Variants in BLNK observed in about 807,000 individuals in gnomAD.
BLNK encodes the protein B cell linker.
A neutral mutation model predicts 73.5 loss-of-function variants in BLNK; 29 were observed. That is an observed-to-expected ratio of 0.39 (90% CI 0.29 to 0.54). The LOEUF (loss-of-function observed/expected upper bound fraction) is 0.54. Among genes scored for constraint, BLNK ranks in the 20% least tolerant of loss-of-function variants. The probability of loss-of-function intolerance (pLI) is 0.61; values close to 1 mark genes in which losing one functional copy is unlikely to be tolerated. For synonymous variants in BLNK, 176 were observed against 200.8 expected (o/e 0.88, Z 1.04); for missense variants, 460 against 562.8 (o/e 0.82, Z 1.85).
chr10:96,210,173 T>G, intron 8 of BLNK: 2 of 479,132 alleles, frequency 4.2e-6, no homozygotes, highest in Non-Finnish European at 7.7e-6. Flanking sequence ...ACCTTCTCCT[T>G]ACCCGCCCCC....
chr10:96,201,186 G>T, intron 13 of BLNK, 128 bp from the exon 14 acceptor site: 1 of 822,894 alleles, frequency 1.2e-6, no homozygotes, highest in Non-Finnish European at 2.0e-6. Context: ...TAAGGCAATG[G>T]TTCCAAAAGT....
At position 96,189,530 on chromosome 10, in the gene BLNK, T is replaced by A; in HGVS notation, c.*2443A>T. On this transcript the variant is annotated 3_prime_UTR_variant, in exon 17 of 17. Coordinates refer to ENST00000224337, the MANE Select transcript of BLNK (RefSeq NM_013314.4). The stretch of plus-strand genomic sequence containing the variant: ...TGTCTTCTACAGAACTAGGCCCTTT[T>A]GGTGTTTTACGAGTTTTTTCCTGTT... The A allele has an allele frequency of 3.1e-6, 2 of 655,680 alleles. No individual in the cohort carries two copies. Among genetic ancestry groups the A allele is most frequent in the Non-Finnish European group, 5.6e-6 (2 of 354,548 alleles). The allele number at this position is 655,680 out of a possible 1,614,324, so 40.6% of individuals were successfully genotyped here. A position where few individuals can be genotyped will look rare whatever the true frequency, so the allele number is the denominator to read the frequency against.
Position 96,256,384 on chromosome 10 carries a change from T to C in BLNK, c.48-9335A>G, listed in dbSNP as rs189490071. ...TTTTTAAACTTAAAATTTAAATACA[T>C]TTAAATGCATTTAATTTAAAAATAA... On this transcript the variant is annotated intron_variant, in intron 1 of 16. Transcript: ENST00000224337. Among the ~76,000 whole-genome samples the C allele has an allele frequency of 6.0e-3, 914 of 152,314 alleles. 8 individuals are homozygous for C. The highest frequency in any genetic ancestry group is 0.021 in the African/African-American group (874 of 41,570).
chr10:96,232,807 C>T (rs1387592018), intron 3 of BLNK, among the ~76,000 whole-genome samples: 1 of 128,078 alleles, frequency 7.8e-6, no homozygotes, highest in African/African-American at 2.8e-5. Context: ...GTTTCTTTTT[C>T]TTTTCTAGTC....
intron 8 of BLNK, among the ~76,000 whole-genome samples, chr10:96,213,487 G>T (rs1300273908): frequency 1.3e-5 from 2 of 152,204 alleles, no homozygotes; most frequent in Non-Finnish European, 2.9e-5. Context: ...GGAGGTGGAG[G>T]CCTCAAGCTG....
At chr10:96,199,454 T>G (rs2083568198) in intron 15 of BLNK, 1 of 457,070 alleles carries the variant, frequency 2.2e-6, no homozygotes, top group Non-Finnish European at 4.4e-6. Flanking sequence ...GTGGAGCTCA[T>G]GCAGCACCAA....
intron 1 of BLNK, among the ~76,000 whole-genome samples, chr10:96,254,413 T>C (rs1275398010): frequency 1.3e-5 from 2 of 152,228 alleles, no homozygotes; most frequent in African/African-American, 4.8e-5. Context: ...CCAGCCTGCC[T>C]GCCTTCTCTT....
At chr10:96,215,946 G>A (rs1383279999) in intron 7 of BLNK, 1 of 162,356 alleles carries the variant, frequency 6.2e-6, no homozygotes, top group Non-Finnish European at 1.3e-5. Context: ...AGCTGTTGGT[G>A]ATAGGTACGG....
intron 3 of BLNK, among the ~76,000 whole-genome samples, chr10:96,237,190 A>T (rs118126962): frequency 6.6e-6 from 1 of 152,160 alleles, no homozygotes; most frequent in Non-Finnish European, 1.5e-5. Flanking sequence ...GAGACAGAAA[A>T]CCAGGTAAAT....
rs1554894853 is a variant in BLNK, at chr10:96,197,006, G to A, written c.1153C>T (p.Leu385=). ...ACTCGCTTATTAAAGAATACAACTA[G>A]TGTATATGGTTGTTTGGAATCATGG... is the stretch of plus-strand genomic sequence containing the variant. ...SGHDSKQPYT[L]VVFFNKRVYN... Residue 385 remains leucine (L), a synonymous_variant, in exon 16 of 17, where the codon CTA becomes TTA. Coordinates refer to ENST00000224337, the MANE Select transcript of BLNK (RefSeq NM_013314.4). 1 of 1,611,638 alleles carries A rather than the reference G, an allele frequency of 6.2e-7. No homozygotes were observed. Among genetic ancestry groups the A allele is most frequent in the Admixed American group, 1.7e-5 (1 of 59,992 alleles).
chr10:96,220,276 C>T (rs1481593153), intron 6 of BLNK, among the ~76,000 whole-genome samples: 1 of 152,080 alleles, frequency 6.6e-6, no homozygotes, highest in East Asian at 1.9e-4. Flanking sequence ...CACACGTGTC[C>T]ATGTCATTAA....
intron 1 of BLNK, among the ~76,000 whole-genome samples, chr10:96,262,364 A>C (rs985039543): frequency 9.2e-5 from 14 of 152,174 alleles, no homozygotes; most frequent in African/African-American, 3.4e-4. Flanking sequence ...GCATTCATTG[A>C]GCTCTTACTC....
intron 8 of BLNK, among the ~76,000 whole-genome samples, chr10:96,211,653 C>T (rs1305928385): frequency 6.6e-6 from 1 of 152,176 alleles, no homozygotes; most frequent in African/African-American, 2.4e-5. Flanking sequence ...AGCAATGCCC[C>T]CTCCATGACA....
At position 96,270,412 on chromosome 10, in the gene BLNK, G is replaced by C. The variant is rs115931219; in HGVS notation, c.47+940C>G. Reference sequence around the variant, plus strand: ...TTGGCTAAGTTCTAATATGTAGTCAGAATAGAAAACACTCCCTGAACAGAG... The same window carrying C: ...TTGGCTAAGTTCTAATATGTAGTCACAATAGAAAACACTCCCTGAACAGAG... On this transcript the variant is annotated intron_variant, in intron 1 of 16. Coordinates refer to ENST00000224337, the MANE Select transcript of BLNK (RefSeq NM_013314.4). Among the ~76,000 whole-genome samples the C allele has an allele frequency of 7.3e-3, 1,108 of 152,206 alleles. 10 individuals are homozygous for C. Among genetic ancestry groups the C allele is most frequent in the African/African-American group, 0.026 (1,069 of 41,528 alleles).
rs1554902745 is a variant in BLNK at position 96,227,404 on chromosome 10, C to T, written c.361+6G>A. The stretch of plus-strand genomic sequence containing the variant: ...GCCGAGTGCCCAGGTCTGCGGGGGA[C>T]CTCACCTATATACTCGCCTCTGGCG... On this transcript the variant is annotated splice_donor_region_variant and intron_variant, in intron 5 of 16. Transcript: ENST00000224337. 1 of 1,613,396 alleles carries T rather than the reference C, an allele frequency of 6.2e-7. No individual in the cohort carries two copies. The highest frequency in any genetic ancestry group is 8.5e-7 in the Non-Finnish European group (1 of 1,179,980).
intron 2 of BLNK, 120 bp from the exon 3 acceptor site, chr10:96,242,904 G>T: frequency 1.1e-6 from 1 of 869,758 alleles, no homozygotes; most frequent in Non-Finnish European, 2.0e-6. Flanking sequence ...GCTTCTCTTG[G>T]ACCAATCAAT....
At chr10:96,267,279 T>A (rs540095568) in intron 1 of BLNK, among the ~76,000 whole-genome samples, 1 of 152,114 alleles carries the variant, frequency 6.6e-6, no homozygotes, top group South Asian at 2.1e-4. Context: ...TCCGGGATGT[T>A]GTGGAAGAAA....
chr10:96,189,508 C>T lies in BLNK; in HGVS notation c.*2465G>A. 3.1e-6 allele frequency: 2 copies of T among 644,022 alleles called. No homozygotes were observed. Among genetic ancestry groups the T allele is most frequent in the South Asian group, 2.8e-5 (2 of 72,564 alleles). The allele number at this position is 644,022 out of a possible 1,614,324, so 39.9% of individuals were successfully genotyped here. On this transcript the variant is annotated 3_prime_UTR_variant, in exon 17 of 17. Transcript: ENST00000224337. ...CTTGCTTGCATTTTTGATTTAATGT[C>T]TTCTACAGAACTAGGCCCTTTTGGT...
chr10:96,236,160 T>C (rs1842682292), intron 3 of BLNK, among the ~76,000 whole-genome samples: 1 of 152,140 alleles, frequency 6.6e-6, no homozygotes, highest in Non-Finnish European at 1.5e-5. Context: ...GGGCAGATGC[T>C]GGTGGCATCA....
Sources: allele counts gnomAD v4.1 joint callset (sites outside exome capture counted in the v4.1 genomes callset), GRCh38; gene constraint gnomAD v4.1.1; transcripts MANE v1.5; gene names NCBI Gene and HGNC (gene_info 2026-07-23, HGNC 2026-07-21).